The following DIP2B variants were observed in gnomAD, a reference collection of about 807,000 sequenced individuals.
DIP2B encodes disco-interacting protein 2 homolog B.
Under a neutral mutation model 198.0 loss-of-function variants are expected in DIP2B, and 76 were observed. That is an observed-to-expected ratio of 0.38 (90% CI 0.32 to 0.46). The LOEUF (loss-of-function observed/expected upper bound fraction) is 0.46, where lower values mean the gene tolerates loss of function less well. Ranked by LOEUF, DIP2B falls within the 20% of genes least tolerant of loss-of-function variation. The pLI is 0.99. For synonymous variants in DIP2B, 701 were observed against 739.1 expected (o/e 0.95, Z 0.84); for missense variants, 1,559 against 1,978.4 (o/e 0.79, Z 4.02).
chr12:50,625,007 T>G (rs1324078606), intron 1 of DIP2B, among the ~76,000 whole-genome samples: 1 of 152,244 alleles, frequency 6.6e-6, no homozygotes, highest in African/African-American at 2.4e-5. Context: ...ATATTAAAAT[T>G]TTGAATGTTT....
At chr12:50,544,017 C>T (rs1323701361) in intron 1 of DIP2B, among the ~76,000 whole-genome samples, 4 of 149,516 alleles carry the variant, frequency 2.7e-5, no homozygotes, top group Non-Finnish European at 5.9e-5. Flanking sequence ...ACCACGAGGT[C>T]AGGACATCGA....
Position 50,744,957 on chromosome 12 carries a change from C to A in DIP2B, c.*118C>A. The stretch of plus-strand genomic sequence containing the variant: ...GCTGAGATGGCTACATGATATTCTT[C>A]ATCTCATCCTGTGGGATTCTGCAAT... On this transcript the variant is annotated 3_prime_UTR_variant, in exon 38 of 38. Coordinates refer to ENST00000301180, the MANE Select transcript of DIP2B (RefSeq NM_173602.3). The A allele has an allele frequency of 1.6e-6, 2 of 1,238,904 alleles. No homozygotes were observed. The highest frequency in any genetic ancestry group is 1.1e-6 in the Non-Finnish European group (1 of 896,370). 76.7% of individuals were successfully genotyped at this position (1,238,904 alleles called of 1,614,324 possible).
intron 26 of DIP2B, among the ~76,000 whole-genome samples, chr12:50,722,152 A>G (rs17124930): frequency 0.28 from 41,771 of 151,830 alleles, 6,172 homozygotes; most frequent in East Asian, 0.44. Context: ...TTTTCCCTTC[A>G]TTATTTCTGT....
intron 1 of DIP2B, among the ~76,000 whole-genome samples, chr12:50,576,297 C>T (rs1474810357): frequency 2.0e-5 from 3 of 151,758 alleles, no homozygotes; most frequent in African/African-American, 7.3e-5. Context: ...GAACTCCTGA[C>T]CTCAGGTGAT....
At chr12:50,557,113 C>G (rs1337919495) in intron 1 of DIP2B, among the ~76,000 whole-genome samples, 1 of 152,166 alleles carries the variant, frequency 6.6e-6, no homozygotes, top group African/African-American at 2.4e-5. Context: ...TCCCAAAGTG[C>G]TGGGATTACA....
chr12:50,543,895 G>T (rs1447708562), intron 1 of DIP2B, among the ~76,000 whole-genome samples: 1 of 139,412 alleles, frequency 7.2e-6, no homozygotes, highest in African/African-American at 2.7e-5. Context: ...ATGAACTCCA[G>T]TCTGGGCGAC....
intron 1 of DIP2B, among the ~76,000 whole-genome samples, chr12:50,507,132 G>A (rs1363825936): frequency 1.3e-5 from 2 of 152,178 alleles, no homozygotes; most frequent in African/African-American, 4.8e-5. Flanking sequence ...AATTGTGAAT[G>A]CCAAGGCTTA....
chr12:50,567,519 C>T (rs1034630078), intron 1 of DIP2B, among the ~76,000 whole-genome samples: 4 of 147,316 alleles, frequency 2.7e-5, no homozygotes, highest in African/African-American at 7.4e-5. Context: ...CTATAATAAC[C>T]GCTTTAAAAA....
intron 3 of DIP2B, 30 bp from the exon 4 acceptor site, chr12:50,660,164 G>T: frequency 6.3e-7 from 1 of 1,583,616 alleles, no homozygotes. Flanking sequence ...AGAGCCGGAA[G>T]CTAATAAATG....
chr12:50,513,706 T>C (rs1958038424), intron 1 of DIP2B, among the ~76,000 whole-genome samples: 1 of 152,004 alleles, frequency 6.6e-6, no homozygotes, highest in Non-Finnish European at 1.5e-5. Context: ...AAACCCCGTC[T>C]CTACTAAAAA....
At chr12:50,738,965 C>CA (rs1328359040) in intron 35 of DIP2B, among the ~76,000 whole-genome samples, 1 of 152,170 alleles carries the variant, frequency 6.6e-6, no homozygotes, top group East Asian at 1.9e-4. Flanking sequence ...CAAAACACCC[C>CA]ATGGTGTTTC....
intron 1 of DIP2B, among the ~76,000 whole-genome samples, chr12:50,522,459 A>G (rs192858247): frequency 6.6e-6 from 1 of 152,202 alleles, no homozygotes; most frequent in Non-Finnish European, 1.5e-5. Flanking sequence ...TGCAGGGCGC[A>G]CACATACATA....
At position 50,739,503 on chromosome 12, in the gene DIP2B, T is replaced by G. The variant is rs1940201026; in HGVS notation, c.4271T>G (p.Phe1424Cys). The change falls in exon 36 of 38, where the codon TTT (phenylalanine) becomes TGT (cysteine). Residue 1424 changes from phenylalanine (F) to cysteine (C), a missense_variant. Phe to Cys is a radical substitution (Grantham distance 205). Transcript: ENST00000301180. ...QADHFNTRLS[F>C]GDAAQTLWAR... ...GATCATTTCAACACTCGCCTCAGCT[T>G]TGGAGATGCAGCTCAGACACTCTGG... 7 of 1,614,136 alleles carry G rather than the reference T, an allele frequency of 4.3e-6. No homozygotes were observed. The highest frequency in any genetic ancestry group is 5.9e-6 in the Non-Finnish European group (7 of 1,180,014).
At chr12:50,657,396 A>G (rs1281431466) in intron 3 of DIP2B, among the ~76,000 whole-genome samples, 1 of 152,198 alleles carries the variant, frequency 6.6e-6, no homozygotes, top group Non-Finnish European at 1.5e-5. Context: ...CAGTGAGTTT[A>G]TTTAGCAGAT....
intron 33 of DIP2B, 50 bp from the exon 34 acceptor site, chr12:50,735,023 G>C (rs1322435835): frequency 2.5e-6 from 4 of 1,607,452 alleles, no homozygotes; most frequent in Non-Finnish European, 3.4e-6. Flanking sequence ...GGAACATGGC[G>C]ACTTCTCCTC....
At position 50,732,475 on chromosome 12, in the gene DIP2B, T is replaced by C; in HGVS notation, c.3920T>C (p.Leu1307Pro). The change falls in exon 32 of 38, where the codon CTG becomes CCG. Residue 1307 changes from leucine to proline, a missense_variant. Coordinates refer to ENST00000301180, the MANE Select transcript of DIP2B (RefSeq NM_173602.3). ...TCTAAGCTCTTCAAAGACATCGGGC[T>C]GTCCCCGCGGGCTGTCAGCACCACT... The part of the protein sequence containing the change: ...SFSKLFKDIG[L>P]SPRAVSTTFG... 1 of 1,614,238 alleles carries C rather than the reference T, an allele frequency of 6.2e-7. No homozygotes were observed. Among genetic ancestry groups the C allele is most frequent in the Non-Finnish European group, 8.5e-7 (1 of 1,180,036 alleles).
chr12:50,536,574 G>GT (rs56861489), intron 1 of DIP2B, among the ~76,000 whole-genome samples: 87,717 of 147,864 alleles, frequency 0.59, 26,733 homozygotes, highest in Non-Finnish European at 0.69. Context: ...ATTGTGTTTT[G>GT]TTTTTTTTTT....
intron 3 of DIP2B, among the ~76,000 whole-genome samples, chr12:50,645,403 T>C (rs1349040322): frequency 6.6e-6 from 1 of 152,052 alleles, no homozygotes; most frequent in East Asian, 1.9e-4. Flanking sequence ...TAGAATTTTA[T>C]GAACGTTAAA....
At chr12:50,744,478 T>C (rs1940313187) in intron 37 of DIP2B, 109 bp from the exon 38 acceptor site, 2 of 1,474,446 alleles carry the variant, frequency 1.4e-6, no homozygotes, top group Non-Finnish European at 1.9e-6. Context: ...GACGTTCTGG[T>C]TGGGATTGAG....
Sources: allele counts gnomAD v4.1 joint callset (sites outside exome capture counted in the v4.1 genomes callset), GRCh38; gene constraint gnomAD v4.1.1; transcripts MANE v1.5; gene names NCBI Gene and HGNC (gene_info 2026-07-23, HGNC 2026-07-21).